The following DYNC2I1 variants were observed in gnomAD, a reference collection of about 807,000 sequenced individuals.
DYNC2I1 encodes the protein dynein 2 intermediate chain 1, also known as cytoplasmic dynein 2 intermediate chain 1.
In DYNC2I1, 89 loss-of-function variants were observed where a neutral mutation model predicts 133.4. The observed-to-expected ratio is 0.67, with a 90% CI of 0.56 to 0.80. The LOEUF (loss-of-function observed/expected upper bound fraction) is 0.80, where lower values mean the gene tolerates loss of function less well. DYNC2I1 is among the 30% of genes least tolerant of loss of function. The pLI, the probability that DYNC2I1 is intolerant of heterozygous loss-of-function variation, is 0.00. For missense variants in DYNC2I1, 1,291 were observed against 1,314.5 expected (o/e 0.98, Z 0.28); for synonymous variants, 504 against 484.3 (o/e 1.04, Z -0.54).
At position 158,856,719 on chromosome 7, in the gene DYNC2I1, C is replaced by G. The variant is rs773472357; in HGVS notation, c.-17C>G. The G allele has an allele frequency of 7.0e-5, 86 of 1,233,666 alleles. No individual in the cohort carries two copies. Among genetic ancestry groups the G allele is most frequent in the Non-Finnish European group, 8.5e-5 (84 of 987,026 alleles). 76.4% of individuals were successfully genotyped at this position (1,233,666 alleles called of 1,614,324 possible). A position where few individuals can be genotyped will look rare whatever the true frequency, so the allele number is the denominator to read the frequency against. ...CGGGGCCGAGGACACCGCGGCCGCCCGGGCCTGCGGGAAGCGATGGAGCCC... is the reference window on the plus strand; with the variant it reads ...CGGGGCCGAGGACACCGCGGCCGCCGGGGCCTGCGGGAAGCGATGGAGCCC... On this transcript the variant is annotated 5_prime_UTR_variant, in exon 1 of 25. Transcript: ENST00000407559.
intron 17 of DYNC2I1, among the ~76,000 whole-genome samples, chr7:158,925,021 G>T (rs1012418814): frequency 1.3e-5 from 2 of 152,136 alleles, no homozygotes; most frequent in Non-Finnish European, 2.9e-5. Flanking sequence ...CTCCCAAAGC[G>T]CTGGGATTAC....
At chr7:158,901,661 A>C in intron 8 of DYNC2I1, 78 bp from the exon 9 acceptor site, 1 of 899,914 alleles carries the variant, frequency 1.1e-6, no homozygotes, top group Non-Finnish European at 1.7e-6. Flanking sequence ...CAGAAAACAT[A>C]TATGTTTTCC....
chr7:158,881,430 AT>A (rs567197603), intron 5 of DYNC2I1, among the ~76,000 whole-genome samples: 6 of 151,826 alleles, frequency 4.0e-5, no homozygotes, highest in African/African-American at 7.3e-5. Context: ...ACAGATACTC[AT>A]TTTTTTTGTT....
At chr7:158,915,198 C>T (rs1352697125) in intron 14 of DYNC2I1, among the ~76,000 whole-genome samples, 4 of 145,792 alleles carry the variant, frequency 2.7e-5, no homozygotes, top group African/African-American at 1.0e-4. Flanking sequence ...GAAACCTCGA[C>T]ACGCTGGTTG....
downstream of DYNC2I1, among the ~76,000 whole-genome samples, chr7:158,947,980 GAAGA>G (rs1851940179): frequency 6.6e-6 from 1 of 152,200 alleles, no homozygotes; most frequent in Non-Finnish European, 1.5e-5. Flanking sequence ...TGAAGTTCGT[GAAGA>G]AAGAAACATC....
At chr7:158,955,833 G>T (rs1332373373) in intron 4 of DYNC2I1, among the ~76,000 whole-genome samples, 1 of 152,230 alleles carries the variant, frequency 6.6e-6, no homozygotes, top group Non-Finnish European at 1.5e-5. Flanking sequence ...GCCCTGTGGG[G>T]AGCCACAAAG....
chr7:158,879,376 T>C (rs1262716893), intron 4 of DYNC2I1, among the ~76,000 whole-genome samples: 1 of 152,050 alleles, frequency 6.6e-6, no homozygotes, highest in Non-Finnish European at 1.5e-5. Flanking sequence ...CCATGAATAC[T>C]CAAGTCCCCC....
chr7:158,934,434 G>A lies in DYNC2I1; in HGVS notation c.2663G>A (p.Gly888Asp), dbSNP rs1850547827. The A allele has an allele frequency of 2.5e-6, 4 of 1,603,018 alleles. No individual in the cohort carries two copies. The Admixed American group carries it at 6.8e-5, about 27-fold the overall frequency. ...IGTDMGLISH[G>D]TRQDLRVAPK... ...TCTTCACAGGGTCTCATAAGCCATG[G>A]CACAAGACAAGATTTGAGAGTGGCT... is the stretch of plus-strand genomic sequence containing the variant. Residue 888 changes from glycine to aspartate, a missense_variant, in exon 23 of 25, where the codon GGC (glycine) becomes GAC (aspartate). Coordinates refer to ENST00000407559, the MANE Select transcript of DYNC2I1 (RefSeq NM_018051.5).
At chr7:158,848,679 C>CT in the DYNC2I1 span, among the ~76,000 whole-genome samples, 90 of 152,280 alleles carry the variant, frequency 5.9e-4, 1 homozygote, top group African/African-American at 2.1e-3. Flanking sequence ...AATCCCAGCA[C>CT]TTTGGGAGGC....
chr7:158,866,682 C>T (rs985463108), intron 1 of DYNC2I1, among the ~76,000 whole-genome samples: 4 of 151,442 alleles, frequency 2.6e-5, no homozygotes, highest in Non-Finnish European at 5.9e-5. Flanking sequence ...GTTGGGAGTT[C>T]GAGACCAGCC....
chr7:158,954,507 G>A (rs1238889443), intron 4 of DYNC2I1, among the ~76,000 whole-genome samples: 2 of 152,186 alleles, frequency 1.3e-5, no homozygotes, highest in African/African-American at 4.8e-5. Context: ...AATTAGATGG[G>A]TGTGGAGGTG....
At chr7:158,885,915 C>G (rs11977348) in intron 6 of DYNC2I1, among the ~76,000 whole-genome samples, 2,366 of 151,874 alleles carry the variant, frequency 0.016, 53 homozygotes, top group African/African-American at 0.054. Flanking sequence ...AATTGAGAAT[C>G]AGTTTGATAT....
upstream of DYNC2I1, chr7:158,856,536 G>T: frequency 2.2e-6 from 1 of 460,882 alleles, no homozygotes; most frequent in Non-Finnish European, 3.5e-6. Flanking sequence ...TGCTAAAAAT[G>T]CCGGGGATGC....
chr7:158,915,764 C>A (rs563828786), intron 14 of DYNC2I1, among the ~76,000 whole-genome samples: 35 of 128,306 alleles, frequency 2.7e-4, no homozygotes, highest in Middle Eastern at 8.5e-3. Context: ...GAAACGTCTA[C>A]ACGCTGGTTG....
At chr7:158,879,482 A>C (rs899172414) in intron 4 of DYNC2I1, among the ~76,000 whole-genome samples, 1 of 152,158 alleles carries the variant, frequency 6.6e-6, no homozygotes, top group African/African-American at 2.4e-5. Flanking sequence ...ATGCAATATA[A>C]ATGAGATGCA....
intron 11 of DYNC2I1, among the ~76,000 whole-genome samples, chr7:158,909,272 A>C (rs1176112794): frequency 2.0e-5 from 3 of 146,800 alleles, no homozygotes; most frequent in African/African-American, 7.7e-5. Flanking sequence ...TGGAGGTTGC[A>C]GCGAGCTGAG....
the DYNC2I1 span, among the ~76,000 whole-genome samples, chr7:158,848,458 C>CT: frequency 6.6e-6 from 1 of 152,070 alleles, no homozygotes; most frequent in Non-Finnish European, 1.5e-5. Context: ...CTTACTGATG[C>CT]TTAATTAAAC....
At chr7:158,889,489 C>T (rs1156943320) in intron 7 of DYNC2I1, among the ~76,000 whole-genome samples, 4 of 152,074 alleles carry the variant, frequency 2.6e-5, no homozygotes, top group African/African-American at 9.7e-5. Flanking sequence ...TGTGGAAATA[C>T]TGGATGAAAA....
intron 16 of DYNC2I1, among the ~76,000 whole-genome samples, chr7:158,923,294 C>G (rs115313643): frequency 6.6e-6 from 1 of 152,160 alleles, no homozygotes; most frequent in Non-Finnish European, 1.5e-5. Context: ...TGGACAGGCT[C>G]CCGGCAGGCT....
Sources: allele counts gnomAD v4.1 joint callset (sites outside exome capture counted in the v4.1 genomes callset), GRCh38; gene constraint gnomAD v4.1.1; transcripts MANE v1.5; gene names NCBI Gene and HGNC (gene_info 2026-07-23, HGNC 2026-07-21).